NLGN4X: variants seen among roughly 807,000 people sequenced by gnomAD.
NLGN4X encodes the protein neuroligin-4, X-linked.
In NLGN4X, 3 loss-of-function variants were observed where a neutral mutation model predicts 40.3. The observed-to-expected ratio is 0.07, with a 90% CI of 0.03 to 0.19. The LOEUF (loss-of-function observed/expected upper bound fraction) is 0.19, where lower values mean the gene tolerates loss of function less well. NLGN4X is among the 10% of genes least tolerant of loss of function. The pLI, the probability that NLGN4X is intolerant of heterozygous loss-of-function variation, is 1.00. For missense variants in NLGN4X, 382 were observed against 708.3 expected, an observed-to-expected ratio of 0.54 and a Z score of 5.23; for synonymous variants, 270 against 306.8, an observed-to-expected ratio of 0.88 and a Z score of 1.25.
chrX:6,148,149 G>A (rs1175006483), intron 2 of NLGN4X, among the ~76,000 whole-genome samples: 2 of 112,375 alleles, frequency 1.8e-5, no homozygotes, highest in East Asian at 5.6e-4. Flanking sequence ...ATCTAAAATA[G>A]TCTATTTTTG....
chrX:5,978,272 TTTTCTTTCTTTC>T (rs780650966), intron 3 of NLGN4X, among the ~76,000 whole-genome samples: 2,438 of 20,198 alleles, frequency 0.12, 71 homozygotes, highest in Admixed American at 0.15. Flanking sequence ...GCGTCTCTTT[TTTTCTTTCTTTC>T]TTTCTTTCTT....
intron 1 of NLGN4X, among the ~76,000 whole-genome samples, chrX:6,161,582 CAT>C (rs1184556736): frequency 3.8e-5 from 4 of 105,629 alleles, no homozygotes; most frequent in Non-Finnish European, 7.7e-5. Flanking sequence ...ATATATAAAA[CAT>C]AGAAGCTTAA....
intron 2 of NLGN4X, among the ~76,000 whole-genome samples, chrX:6,098,048 G>C (rs1396720067): frequency 8.9e-6 from 1 of 112,938 alleles, no homozygotes; most frequent in Non-Finnish European, 1.9e-5. Flanking sequence ...CCAGCACTTT[G>C]GTAGGCCCAG....
chrX:5,945,508 G>A lies in NLGN4X; in HGVS notation c.626-36269C>T, dbSNP rs930509818. Among the ~76,000 whole-genome samples, 16 of 111,729 alleles carry A rather than the reference G, an allele frequency of 1.4e-4. 1 individual carries two copies. The highest frequency in any genetic ancestry group is 3.7e-4 in the South Asian group (1 of 2,683). ...GATCACATTTGGAAGCGAACTTGGCGCAGTGAAAAGGTATTTCACATTAAA... is the reference window on the plus strand; with the variant it reads ...GATCACATTTGGAAGCGAACTTGGCACAGTGAAAAGGTATTTCACATTAAA... On this transcript the variant is annotated intron_variant, in intron 3 of 5. Transcript: ENST00000381095.
intron 2 of NLGN4X, among the ~76,000 whole-genome samples, chrX:6,076,169 C>A (rs1475218755): frequency 8.9e-6 from 1 of 112,116 alleles, no homozygotes; most frequent in Non-Finnish European, 1.9e-5. Context: ...AGTATCTGCA[C>A]TAGAGAAAGA....
chrX:5,995,924 C>T (rs1217099049), intron 3 of NLGN4X, among the ~76,000 whole-genome samples: 1 of 111,925 alleles, frequency 8.9e-6, no homozygotes, highest in Non-Finnish European at 1.9e-5. Context: ...TATACACGTA[C>T]GTATCCATAA....
At chrX:6,211,603 T>A (rs1924609559) in intron 1 of NLGN4X, among the ~76,000 whole-genome samples, 1 of 111,556 alleles carries the variant, frequency 9.0e-6, no homozygotes. Flanking sequence ...CAAAAATAGA[T>A]ATGATTAAGA....
intron 1 of NLGN4X, among the ~76,000 whole-genome samples, chrX:6,208,900 A>G (rs1924299165): frequency 8.9e-6 from 1 of 112,323 alleles, no homozygotes; most frequent in Non-Finnish European, 1.9e-5. Flanking sequence ...AAATAAAAAG[A>G]AATCGCTATG....
At chrX:6,071,200 A>C (rs1402090777) in intron 2 of NLGN4X, among the ~76,000 whole-genome samples, 1 of 111,746 alleles carries the variant, frequency 8.9e-6, no homozygotes, top group East Asian at 2.8e-4. Flanking sequence ...CATATGAAAC[A>C]GTGTGTATTG....
At chrX:6,159,357 C>T (rs1192876918) in intron 1 of NLGN4X, among the ~76,000 whole-genome samples, 1 of 111,603 alleles carries the variant, frequency 9.0e-6, no homozygotes, top group Non-Finnish European at 1.9e-5. Flanking sequence ...ATTTTTTACT[C>T]TTTAAAATGA....
At position 6,084,967 on chromosome X, in the gene NLGN4X, T is replaced by C. The variant is rs752680831; in HGVS notation, c.473-55535A>G. On this transcript the variant is annotated intron_variant, in intron 2 of 5. Transcript: ENST00000381095. ...CAGATTACAAGCCAACAGTAAGATC[T>C]CAAGTGTTTCTGGAAACCACACACT... 1.5e-4 allele frequency among the ~76,000 whole-genome samples: 17 copies of C among 110,298 alleles called. No individual in the cohort carries two copies. In the East Asian group the frequency reaches 4.3e-3, roughly 28 times the overall value.
At chrX:6,055,297 T>A (rs148182428) in intron 2 of NLGN4X, among the ~76,000 whole-genome samples, 4,342 of 111,767 alleles carry the variant, frequency 0.039, 107 homozygotes, top group Admixed American at 0.11. Context: ...GAGTGGATGA[T>A]CATCCTAGTC....
rs181563376 is a variant in NLGN4X, at chrX:6,200,853, A to G, written c.-306+27688T>C. Among the ~76,000 whole-genome samples the G allele has an allele frequency of 4.9e-3, 524 of 107,555 alleles. 5 individuals are homozygous for G. Among genetic ancestry groups the G allele is most frequent in the African/African-American group, 0.017 (503 of 29,425 alleles). 93.4% of individuals were successfully genotyped at this position (107,555 alleles called of 115,157 possible). A position where few individuals can be genotyped will look rare whatever the true frequency, so the allele number is the denominator to read the frequency against. On this transcript the variant is annotated intron_variant, in intron 1 of 5. Coordinates refer to ENST00000381095, the MANE Select transcript of NLGN4X (RefSeq NM_181332.3). ...AGGCATGTGCCATCATACCTGCCTA[A>G]TTTTTATTATTATTATTATTATTCT...
rs141890579 is a variant in NLGN4X at position 6,147,719 on chromosome X, T to C, written c.472+3276A>G. ...ACACACACCATGCAGATTCGGTCAA[T>C]CGGTCTCCAACTGTTCCTTGTCAAC... On this transcript the variant is annotated intron_variant, in intron 2 of 5. Transcript: ENST00000381095. Among the ~76,000 whole-genome samples the C allele has an allele frequency of 9.2e-3, 1,025 of 111,001 alleles. 8 individuals carry two copies. The highest frequency in any genetic ancestry group is 0.032 in the African/African-American group (985 of 30,542).
At chrX:6,025,130 A>G (rs2036655779) in intron 3 of NLGN4X, among the ~76,000 whole-genome samples, 1 of 111,201 alleles carries the variant, frequency 9.0e-6, no homozygotes, top group African/African-American at 3.3e-5. Context: ...CAAACTGAAC[A>G]CCAATTCAAT....
intron 1 of NLGN4X, among the ~76,000 whole-genome samples, chrX:6,181,855 G>C (rs1375025389): frequency 8.9e-6 from 1 of 112,024 alleles, no homozygotes; most frequent in Non-Finnish European, 1.9e-5. Flanking sequence ...CCTGTATTCA[G>C]GGGAATTTTT....
chrX:6,103,618 G>A (rs1173221597), intron 2 of NLGN4X, among the ~76,000 whole-genome samples: 4 of 111,589 alleles, frequency 3.6e-5, no homozygotes, highest in Non-Finnish European at 7.5e-5. Flanking sequence ...CTGTGCAGAT[G>A]TGGACACCAT....
intron 3 of NLGN4X, among the ~76,000 whole-genome samples, chrX:5,959,804 T>G (rs1053914079): frequency 6.3e-5 from 7 of 111,455 alleles, no homozygotes; most frequent in Admixed American, 1.9e-4. Context: ...AAATTGTTTT[T>G]GTTGATTTCT....
intron 2 of NLGN4X, among the ~76,000 whole-genome samples, chrX:6,053,569 T>C (rs1050599218): frequency 8.1e-5 from 9 of 111,300 alleles, no homozygotes; most frequent in Non-Finnish European, 3.8e-5. Context: ...AATCCCTGCA[T>C]TTACGGGCAT....
Sources: gnomAD v4.1 joint callset for allele counts (sites outside exome capture counted in the v4.1 genomes callset) on GRCh38, gnomAD v4.1.1 for gene constraint, MANE v1.5 for transcripts, NCBI Gene and HGNC (gene_info 2026-07-23, HGNC 2026-07-21) for gene names.